The following TBC1D30 variants were observed in gnomAD, a reference collection of about 807,000 sequenced individuals.
TBC1D30 encodes TBC1 domain family, member 30.
TBC1D30 carries 31 observed loss-of-function variants against 63.2 expected under a neutral mutation model. The ratio of observed to expected loss-of-function variants is 0.49; its 90% CI spans 0.37 to 0.66. TBC1D30 has a LOEUF of 0.66. Among genes scored for constraint, TBC1D30 ranks in the 30% least tolerant of loss-of-function variants. The pLI is 0.00. For missense variants in TBC1D30, 810 were observed against 953.6 expected (o/e 0.85, Z 1.98); for synonymous variants, 307 against 361.5 (o/e 0.85, Z 1.71).
At chr12:64,860,249 C>T (rs1221928428) in intron 8 of TBC1D30, among the ~76,000 whole-genome samples, 1 of 152,040 alleles carries the variant, frequency 6.6e-6, no homozygotes, top group East Asian at 1.9e-4. Flanking sequence ...AACTCCTGGG[C>T]TCAAGCAGTC....
intron 2 of TBC1D30, among the ~76,000 whole-genome samples, chr12:64,789,279 G>T (rs1432776512): frequency 6.6e-6 from 1 of 150,748 alleles, no homozygotes; most frequent in Non-Finnish European, 1.5e-5. Flanking sequence ...CTGCTTCCCG[G>T]GTTCAAGCGA....
At chr12:64,869,175 A>G (rs1056647036) in intron 10 of TBC1D30, among the ~76,000 whole-genome samples, 1 of 152,174 alleles carries the variant, frequency 6.6e-6, no homozygotes, top group African/African-American at 2.4e-5. Context: ...AAGAGGACAG[A>G]AACTGAATAG....
intron 7 of TBC1D30, among the ~76,000 whole-genome samples, chr12:64,839,821 C>T (rs771132843): frequency 2.6e-5 from 4 of 151,866 alleles, no homozygotes; most frequent in Admixed American, 6.6e-5. Flanking sequence ...CTGACTAACA[C>T]GGTGAAACCC....
chr12:64,809,907 G>C (rs545394545), intron 2 of TBC1D30, among the ~76,000 whole-genome samples: 1 of 152,052 alleles, frequency 6.6e-6, no homozygotes, highest in Non-Finnish European at 1.5e-5. Flanking sequence ...ACCTCATAGA[G>C]TTTGGGATCC....
chr12:64,874,910 G>A (rs535716484), intron 11 of TBC1D30, 91 bp from the exon 12 acceptor site: 5 of 1,223,438 alleles, frequency 4.1e-6, no homozygotes, highest in South Asian at 3.1e-5. Flanking sequence ...TGTGGTAGAC[G>A]GGGCTGGGAG....
At chr12:64,793,520 C>T (rs1305832964) in intron 2 of TBC1D30, among the ~76,000 whole-genome samples, 4 of 150,262 alleles carry the variant, frequency 2.7e-5, no homozygotes, top group South Asian at 2.1e-4. Flanking sequence ...ATTAGCTGGG[C>T]GTGGTGGCAC....
At chr12:64,781,666 A>G (rs564893683) in intron 1 of TBC1D30, among the ~76,000 whole-genome samples, 10 of 149,062 alleles carry the variant, frequency 6.7e-5, no homozygotes, top group Non-Finnish European at 1.5e-4. Context: ...GCCAGAATCG[A>G]GGCGAGTCGT....
At chr12:64,851,289 C>T (rs1221452075) in intron 8 of TBC1D30, among the ~76,000 whole-genome samples, 1 of 151,944 alleles carries the variant, frequency 6.6e-6, no homozygotes, top group Non-Finnish European at 1.5e-5. Flanking sequence ...CCACTCTGAT[C>T]CTCATTTTAT....
chr12:64,811,513 G>A (rs1342254323), intron 2 of TBC1D30, among the ~76,000 whole-genome samples: 1 of 152,186 alleles, frequency 6.6e-6, no homozygotes, highest in Non-Finnish European at 1.5e-5. Flanking sequence ...GGAAACTACA[G>A]GGGCTCAGAT....
At chr12:64,823,176 T>C (rs1054823659), upstream of TBC1D30, among the ~76,000 whole-genome samples, 1 of 152,184 alleles carries the variant, frequency 6.6e-6, no homozygotes, top group African/African-American at 2.4e-5. Flanking sequence ...CATTTGATGT[T>C]AGCATACTTA....
chr12:64,843,547 T>G, intron 8 of TBC1D30, 62 bp downstream of exon 8: 1 of 1,274,664 alleles, frequency 7.8e-7, no homozygotes, highest in Non-Finnish European at 1.1e-6. Context: ...GAACAACCAG[T>G]GCCAGAGCAG....
intron 2 of TBC1D30, among the ~76,000 whole-genome samples, chr12:64,796,154 T>C (rs1487485258): frequency 6.6e-6 from 1 of 151,974 alleles, no homozygotes; most frequent in East Asian, 1.9e-4. Flanking sequence ...TTTTTTTTTT[T>C]TTTTCATTTT....
chr12:64,830,333 T>A, intron 3 of TBC1D30, 44 bp from the exon 4 acceptor site: 1 of 1,483,330 alleles, frequency 6.7e-7, no homozygotes, highest in Non-Finnish European at 9.0e-7. Context: ...GGTGAAGTTA[T>A]ATATTCTACT....
chr12:64,786,326 TTTTATTTA>T (rs60904499), intron 2 of TBC1D30, among the ~76,000 whole-genome samples: 3 of 149,694 alleles, frequency 2.0e-5, no homozygotes, highest in African/African-American at 5.1e-5. Context: ...TACAATTTTA[TTTTATTTA>T]TTTATTTATT....
intron 10 of TBC1D30, among the ~76,000 whole-genome samples, chr12:64,869,683 C>T (rs1407284310): frequency 6.6e-6 from 1 of 152,004 alleles, no homozygotes; most frequent in Non-Finnish European, 1.5e-5. Context: ...TGATCACTTT[C>T]TCCTAAATTT....
chr12:64,832,166 G>A lies in TBC1D30; in HGVS notation c.456G>A (p.Glu152=), dbSNP rs1226840124. The change falls in exon 5 of 12, where the codon GAG becomes GAA. Residue 152 remains glutamate (E), a synonymous_variant. Transcript: ENST00000539867. The part of the protein sequence containing the change: ...GCSSYCGQEA[E]QDRVVLKRVL... ...GTTCTTACTGTGGCCAGGAGGCTGAGCAGGACAGGGTTGTGTTGAAGCGGG... is the reference window on the plus strand; with the variant it reads ...GTTCTTACTGTGGCCAGGAGGCTGAACAGGACAGGGTTGTGTTGAAGCGGG... The A allele has an allele frequency of 3.3e-6, 5 of 1,535,892 alleles. No homozygotes were observed. The East Asian group carries it at 9.8e-5, about 30-fold the overall frequency.
At chr12:64,777,210 C>T (rs190217377), upstream of TBC1D30, among the ~76,000 whole-genome samples, 18 of 152,284 alleles carry the variant, frequency 1.2e-4, no homozygotes, top group African/African-American at 3.8e-4. Flanking sequence ...TACAAGGATG[C>T]CCTCTCCCAC....
intron 1 of TBC1D30, chr12:64,825,369 C>T: frequency 3.4e-6 from 1 of 296,846 alleles, no homozygotes; most frequent in Non-Finnish European, 6.3e-6. Flanking sequence ...GGCCGCACCA[C>T]CTATTGTGTT....
intron 10 of TBC1D30, among the ~76,000 whole-genome samples, chr12:64,869,729 A>G (rs1010996569): frequency 6.6e-6 from 1 of 151,982 alleles, no homozygotes; most frequent in Non-Finnish European, 1.5e-5. Flanking sequence ...TGCTCTGATT[A>G]GCAGTTTCTC....
Sources: allele counts gnomAD v4.1 joint callset (sites outside exome capture counted in the v4.1 genomes callset), GRCh38; gene constraint gnomAD v4.1.1; transcripts MANE v1.5; gene names NCBI Gene and HGNC (gene_info 2026-07-23, HGNC 2026-07-21).